Variants in BIVM observed in about 807,000 individuals in gnomAD.
BIVM encodes the protein basic, immunoglobulin-like variable motif containing.
In BIVM, 31 loss-of-function variants were observed where a neutral mutation model predicts 61.4. The observed-to-expected ratio is 0.51, with a 90% confidence interval of 0.38 to 0.68. BIVM has a LOEUF of 0.68. Ranked by LOEUF, BIVM falls within the 30% of genes least tolerant of loss-of-function variation. BIVM has a pLI of 0.00. For missense variants in BIVM, 526 were observed against 596.0 expected (o/e 0.88, Z 1.22); for synonymous variants, 189 against 210.7 (o/e 0.90, Z 0.89).
chr13:102,802,813 ATAGCTCAC>A (rs545512726), intron 1 of BIVM, among the ~76,000 whole-genome samples: 384 of 146,276 alleles, frequency 2.6e-3, no homozygotes, highest in African/African-American at 9.1e-3. Flanking sequence ...TGGTGTGATC[ATAGCTCAC>A]TGCAGCCTCA....
chr13:102,836,822 C>G (rs1433281601), intron 9 of BIVM, among the ~76,000 whole-genome samples: 3 of 152,336 alleles, frequency 2.0e-5, no homozygotes, highest in South Asian at 4.1e-4. Context: ...GCCACACTCT[C>G]AATTGTTGTT....
At chr13:102,810,592 T>C (rs1230523192) in intron 3 of BIVM, among the ~76,000 whole-genome samples, 1 of 152,278 alleles carries the variant, frequency 6.6e-6, no homozygotes, top group African/African-American at 2.4e-5. Flanking sequence ...CTTTCAGTTA[T>C]TGATGTTATC....
chr13:102,827,880 G>A (rs1278451830), intron 7 of BIVM, among the ~76,000 whole-genome samples: 1 of 152,218 alleles, frequency 6.6e-6, no homozygotes, highest in Non-Finnish European at 1.5e-5. Context: ...CTCTCCCATT[G>A]TGGAAGAAAG....
chr13:102,800,741 A>G (rs1290921171), intron 1 of BIVM: 1 of 152,188 alleles, frequency 6.6e-6, no homozygotes, highest in Non-Finnish European at 1.5e-5. Flanking sequence ...CGCAGGTCTG[A>G]AGGGGAGGAA....
rs1461584091 is a variant in BIVM at position 102,839,815 on chromosome 13, A to T, written c.1462A>T (p.Arg488Ter). 3 of 1,614,004 alleles carry T rather than the reference A, an allele frequency of 1.9e-6. No homozygotes were observed. Residue 488 changes from arginine to a stop codon, truncating the protein, a stop_gained, in exon 11 of 11, where the codon AGA becomes TGA. Transcript: ENST00000257336. LOFTEE classifies it high-confidence loss of function. ...AWKKMSSIHERRNSGYQGYSD... is the reference protein window; with the variant it reads ...AWKKMSSIHE ...GAAAAAGATGTCTAGTATCCATGAG[A>T]GAAGGAACAGTGGTTACCAGGGTTA...
intron 2 of BIVM, among the ~76,000 whole-genome samples, chr13:102,806,851 G>A (rs1482248632): frequency 1.3e-5 from 2 of 151,552 alleles, no homozygotes; most frequent in African/African-American, 4.8e-5. Flanking sequence ...CGGAGGTTGC[G>A]GTGAGCCGAG....
chr13:102,827,613 GGCCACCTTA>G (rs1269530448), intron 7 of BIVM, among the ~76,000 whole-genome samples: 1 of 151,946 alleles, frequency 6.6e-6, no homozygotes, highest in Non-Finnish European at 1.5e-5. Context: ...TATGTTCCTT[GGCCACCTTA>G]GCCCTGGATT....
chr13:102,837,673 G>A (rs1196817820), intron 9 of BIVM, among the ~76,000 whole-genome samples: 2 of 152,178 alleles, frequency 1.3e-5, no homozygotes, highest in Non-Finnish European at 2.9e-5. Flanking sequence ...CCAATGAGTG[G>A]ATAAAGAAAA....
intron 4 of BIVM, among the ~76,000 whole-genome samples, chr13:102,819,895 A>G (rs1378725375): frequency 1.3e-5 from 2 of 152,184 alleles, no homozygotes; most frequent in African/African-American, 4.8e-5. Context: ...AGACCACACT[A>G]AAGTTGCTCT....
Position 102,807,231 on chromosome 13 carries a change from C to T in BIVM, c.-37C>T, listed in dbSNP as rs766626424. ...TATCAAGAAACAGATAGAGTTGCAACTTGTTTCTAGTAATAGAAACTTTTA... is the reference window on the plus strand; with the variant it reads ...TATCAAGAAACAGATAGAGTTGCAATTTGTTTCTAGTAATAGAAACTTTTA... On this transcript the variant is annotated 5_prime_UTR_variant, in exon 3 of 11. Transcript: ENST00000257336. The surrounding 1 kb of genome is among the most constrained non-coding windows in gnomAD (Gnocchi z 4.0). 5.8e-6 allele frequency: 9 copies of T among 1,540,214 alleles called. No homozygotes were observed. The Admixed American group carries it at 9.9e-5, about 17-fold the overall frequency.
Position 102,807,196 on chromosome 13 carries a change from C to CA in BIVM, c.-69dup. Reference sequence around the variant, plus strand: ...TTTATAGCATGCTGTAAACAATTGTCAAAGTTGTTTATCAAGAAACAGATA... The same window carrying CA: ...TTTATAGCATGCTGTAAACAATTGTCAAAAGTTGTTTATCAAGAAACAGATA... On this transcript the variant is annotated 5_prime_UTR_variant, in exon 3 of 11. Coordinates refer to ENST00000257336, the MANE Select transcript of BIVM (RefSeq NM_017693.4). The surrounding 1 kb of genome is among the most constrained non-coding windows in gnomAD (Gnocchi z 4.0). The CA allele has an allele frequency of 6.8e-7, 1 of 1,465,762 alleles. No homozygotes were observed. Among genetic ancestry groups the CA allele is most frequent in the Non-Finnish European group, 9.1e-7 (1 of 1,095,582 alleles). The allele number at this position is 1,465,762 out of a possible 1,614,324, so 90.8% of individuals were successfully genotyped here. A position where few individuals can be genotyped will look rare whatever the true frequency, so the allele number is the denominator to read the frequency against.
chr13:102,839,911 A>G lies in BIVM; in HGVS notation c.*46A>G. ...CTGGCATTATATATGAAACTGCTAT[A>G]TACAGGACTGTATAAAGACAGTAGA... On this transcript the variant is annotated 3_prime_UTR_variant, in exon 11 of 11. Coordinates refer to ENST00000257336, the MANE Select transcript of BIVM (RefSeq NM_017693.4). 6.5e-7 allele frequency: 1 copy of G among 1,550,232 alleles called. No homozygotes were observed. The highest frequency in any genetic ancestry group is 8.7e-7 in the Non-Finnish European group (1 of 1,150,084).
chr13:102,835,705 G>T (rs1291506589), intron 9 of BIVM, among the ~76,000 whole-genome samples: 2 of 152,112 alleles, frequency 1.3e-5, no homozygotes, highest in East Asian at 3.9e-4. Context: ...GCTAATTTTT[G>T]TGTTTTTCGT....
chr13:102,826,736 T>G (rs568628663), intron 7 of BIVM, among the ~76,000 whole-genome samples: 2 of 152,204 alleles, frequency 1.3e-5, no homozygotes, highest in South Asian at 4.1e-4. Flanking sequence ...GCCTGCTGAT[T>G]AGAAGAGGAC....
At chr13:102,814,308 A>G (rs1242748461) in intron 3 of BIVM, among the ~76,000 whole-genome samples, 1 of 152,182 alleles carries the variant, frequency 6.6e-6, no homozygotes, top group East Asian at 1.9e-4. Context: ...CCTCAAGTCA[A>G]ATGAACTTTT....
intron 1 of BIVM, among the ~76,000 whole-genome samples, chr13:102,802,576 C>T (rs1878810210): frequency 6.6e-6 from 1 of 151,956 alleles, no homozygotes. Flanking sequence ...TGTTTCATGC[C>T]CTTGGATTTT....
chr13:102,804,025 T>G (rs906004650), intron 1 of BIVM, among the ~76,000 whole-genome samples: 2 of 152,236 alleles, frequency 1.3e-5, no homozygotes, highest in Non-Finnish European at 2.9e-5. Flanking sequence ...CAAAAGAAAG[T>G]GAAAGTTTTC....
chr13:102,816,339 A>G (rs1442381621), intron 3 of BIVM, 89 bp from the exon 4 acceptor site: 5 of 1,259,552 alleles, frequency 4.0e-6, no homozygotes, highest in Non-Finnish European at 5.3e-6. Context: ...TAAGGCAGTT[A>G]CTTCTTAATT....
chr13:102,810,195 T>C (rs1020319131), intron 3 of BIVM, among the ~76,000 whole-genome samples: 4 of 152,268 alleles, frequency 2.6e-5, no homozygotes, highest in Non-Finnish European at 5.9e-5. Context: ...CTATTCTAGG[T>C]ACCTTATGTA....
Sources: allele counts gnomAD v4.1 joint callset (sites outside exome capture counted in the v4.1 genomes callset), GRCh38; gene constraint gnomAD v4.1.1; non-coding constraint Gnocchi (gnomAD v3.1); transcripts MANE v1.5; gene names NCBI Gene and HGNC (gene_info 2026-07-23, HGNC 2026-07-21).